The following PCDH7 variants were observed in gnomAD, a reference collection of about 807,000 sequenced individuals.
PCDH7 encodes the protein protocadherin-7.
PCDH7 carries 17 observed loss-of-function variants against 58.9 expected under a neutral mutation model. The ratio of observed to expected loss-of-function variants is 0.29; its 90% CI spans 0.20 to 0.43. The LOEUF is 0.43. Ranked by LOEUF, PCDH7 falls within the 20% of genes least tolerant of loss-of-function variation. The pLI, the probability that PCDH7 is intolerant of heterozygous loss-of-function variation, is 1.00. For missense variants in PCDH7, 1,274 were observed against 1,441.0 expected (o/e 0.88, Z 1.88); for synonymous variants, 664 against 616.4 (o/e 1.08, Z -1.14).
chr4:30,875,340 T>C (rs1257661622), intron 1 of PCDH7, among the ~76,000 whole-genome samples: 2 of 152,018 alleles, frequency 1.3e-5, no homozygotes, highest in African/African-American at 2.4e-5. Flanking sequence ...TCACTTTACA[T>C]TGATTACCTC....
At chr4:31,125,301 T>C (rs1420285802) in intron 3 of PCDH7, among the ~76,000 whole-genome samples, 2 of 152,204 alleles carry the variant, frequency 1.3e-5, no homozygotes, top group African/African-American at 4.8e-5. Context: ...TCTCAAGTTG[T>C]CACCTTTCTA....
exon 1 of PCDH7, chr4:30,724,385 G>A: frequency 6.2e-7 from 1 of 1,613,984 alleles, no homozygotes. Context: ...GGTGGGCCCG[G>A]CAGTCCTGAC....
intron 3 of PCDH7, among the ~76,000 whole-genome samples, chr4:31,124,989 A>G (rs1718127945): frequency 6.6e-6 from 1 of 152,222 alleles, no homozygotes; most frequent in South Asian, 2.1e-4. Context: ...CTTTCTGTGA[A>G]ATGACAATAA....
intron 3 of PCDH7, among the ~76,000 whole-genome samples, chr4:31,017,570 G>GAC (rs150646213): frequency 2.6e-5 from 4 of 151,936 alleles, no homozygotes; most frequent in Non-Finnish European, 5.9e-5. Flanking sequence ...AGATTCATTT[G>GAC]ACACACACAC....
At chr4:30,964,874 T>C (rs539791813) in intron 3 of PCDH7, among the ~76,000 whole-genome samples, 17 of 152,320 alleles carry the variant, frequency 1.1e-4, no homozygotes, top group East Asian at 9.6e-4. Context: ...TTTTGGTGAA[T>C]AGAGAGGTGC....
chr4:30,786,791 G>C (rs1723453468), intron 1 of PCDH7: 1 of 972,638 alleles, frequency 1.0e-6, no homozygotes, highest in African/African-American at 1.8e-5. Context: ...ATGAATGTAT[G>C]TGCTCGTAAG....
intron 3 of PCDH7, among the ~76,000 whole-genome samples, chr4:30,952,008 A>G (rs145797193): frequency 2.6e-5 from 4 of 152,286 alleles, no homozygotes; most frequent in Admixed American, 2.6e-4. Flanking sequence ...TCTCCTGAAC[A>G]TGGGCCCTTC....
intron 1 of PCDH7, among the ~76,000 whole-genome samples, chr4:30,850,753 C>T (rs1299853946): frequency 6.6e-6 from 1 of 152,102 alleles, no homozygotes; most frequent in Non-Finnish European, 1.5e-5. Context: ...GCCTGTTGCC[C>T]ACTGCCTGCT....
At chr4:30,730,226 A>C (rs1252518907) in intron 1 of PCDH7, among the ~76,000 whole-genome samples, 1 of 152,050 alleles carries the variant, frequency 6.6e-6, no homozygotes, top group African/African-American at 2.4e-5. Flanking sequence ...CCATTCATTT[A>C]TTTACTATGA....
At chr4:30,932,623 A>T (rs1392736500) in intron 2 of PCDH7, among the ~76,000 whole-genome samples, 1 of 152,176 alleles carries the variant, frequency 6.6e-6, no homozygotes, top group Non-Finnish European at 1.5e-5. Flanking sequence ...CCATTTTTTG[A>T]CATGTGTATG....
At chr4:30,840,323 G>A (rs1381639638) in intron 1 of PCDH7, among the ~76,000 whole-genome samples, 13 of 151,952 alleles carry the variant, frequency 8.6e-5, no homozygotes, top group Non-Finnish European at 1.8e-4. Context: ...TTTCTCATTT[G>A]GACTTGGCAG....
At chr4:31,085,852 TC>T (rs1206165783) in intron 3 of PCDH7, among the ~76,000 whole-genome samples, 6 of 138,180 alleles carry the variant, frequency 4.3e-5, no homozygotes, top group South Asian at 2.4e-4. Context: ...TCTCTCTCTC[TC>T]TTTTTTTTTT....
chr4:30,767,709 A>G (rs1720932741), intron 1 of PCDH7, among the ~76,000 whole-genome samples: 1 of 152,230 alleles, frequency 6.6e-6, no homozygotes, highest in African/African-American at 2.4e-5. Flanking sequence ...GCGTTTTAGA[A>G]TTTAAGTAAA....
intron 3 of PCDH7, among the ~76,000 whole-genome samples, chr4:31,012,224 G>A (rs1168467863): frequency 6.6e-6 from 1 of 151,954 alleles, no homozygotes; most frequent in Non-Finnish European, 1.5e-5. Context: ...ATAAAAATCG[G>A]TCAGTACACC....
intron 1 of PCDH7, among the ~76,000 whole-genome samples, chr4:30,750,870 G>A (rs751710150): frequency 2.0e-5 from 3 of 152,060 alleles, no homozygotes; most frequent in Non-Finnish European, 4.4e-5. Context: ...TACTATGATA[G>A]AGAATGGAAA....
At chr4:30,848,945 C>G (rs1044136690) in intron 1 of PCDH7, among the ~76,000 whole-genome samples, 3 of 152,062 alleles carry the variant, frequency 2.0e-5, no homozygotes, top group Admixed American at 6.6e-5. Flanking sequence ...GAAAAGCACA[C>G]TATTGAGGTT....
chr4:31,004,847 T>G (rs1297948285), intron 3 of PCDH7, among the ~76,000 whole-genome samples: 1 of 152,110 alleles, frequency 6.6e-6, no homozygotes, highest in Admixed American at 6.5e-5. Flanking sequence ...GATTAATTAA[T>G]ATGCCCTAGA....
intron 1 of PCDH7, among the ~76,000 whole-genome samples, chr4:30,838,041 G>T (rs1169981256): frequency 1.3e-5 from 2 of 151,800 alleles, no homozygotes; most frequent in African/African-American, 2.4e-5. Flanking sequence ...TCTTCATCAT[G>T]CTGGGGCTGG....
intron 1 of PCDH7, among the ~76,000 whole-genome samples, chr4:30,772,201 G>A (rs887755762): frequency 6.6e-6 from 1 of 152,074 alleles, no homozygotes; most frequent in East Asian, 1.9e-4. Context: ...ACTTCCATAG[G>A]TTCTGATTTT....
Sources: allele counts gnomAD v4.1 joint callset (sites outside exome capture counted in the v4.1 genomes callset), GRCh38; gene constraint gnomAD v4.1.1; transcripts MANE v1.5; gene names NCBI Gene and HGNC (gene_info 2026-07-23, HGNC 2026-07-21).